Variants in SHANK2 observed in about 807,000 individuals in gnomAD.
SHANK2 encodes the protein SH3 and multiple ankyrin repeat domains protein 2.
Under a neutral mutation model 133.7 loss-of-function variants are expected in SHANK2, and 43 were observed. The ratio of observed to expected loss-of-function variants is 0.32; its 90% confidence interval spans 0.25 to 0.41. SHANK2 has a LOEUF of 0.41. SHANK2 is among the 10% of genes least tolerant of loss of function. The pLI, the probability that SHANK2 is intolerant of heterozygous loss-of-function variation, is 1.00. For synonymous variants in SHANK2, 1,017 were observed against 952.8 expected, an observed-to-expected ratio of 1.07 and a Z score of -1.24; for missense variants, 1,994 against 2,235.8, an observed-to-expected ratio of 0.89 and a Z score of 2.18.
intron 2 of SHANK2, among the ~76,000 whole-genome samples, chr11:71,156,417 C>T (rs1275123887): frequency 2.6e-5 from 4 of 152,196 alleles, no homozygotes; most frequent in East Asian, 1.9e-4. Context: ...TCTGAGTTTC[C>T]GCCCTCCACT....
intron 1 of SHANK2, among the ~76,000 whole-genome samples, chr11:71,248,670 T>A (rs1432378112): frequency 6.6e-6 from 1 of 152,148 alleles, no homozygotes; most frequent in Non-Finnish European, 1.5e-5. Context: ...CTCCTGACGT[T>A]ATTATTGTGA....
At chr11:70,765,922 C>T in intron 14 of SHANK2, among the ~76,000 whole-genome samples, 1 of 151,674 alleles carries the variant, frequency 6.6e-6, no homozygotes, top group Admixed American at 6.5e-5. Flanking sequence ...GGGTGAGCAC[C>T]TTGGAAACGG....
At chr11:70,729,025 C>T (rs1264031033) in intron 14 of SHANK2, among the ~76,000 whole-genome samples, 3 of 151,838 alleles carry the variant, frequency 2.0e-5, no homozygotes, top group African/African-American at 4.8e-5. Flanking sequence ...GCCAACATAG[C>T]AAAACCCTGT....
intron 12 of SHANK2, among the ~76,000 whole-genome samples, chr11:70,819,294 G>C (rs1049353029): frequency 3.9e-5 from 6 of 152,248 alleles, no homozygotes; most frequent in African/African-American, 1.4e-4. Flanking sequence ...GCTCCTCATA[G>C]AGGCGTCTGC....
At chr11:70,636,747 CATGTGTGT>C (rs576380351) in intron 17 of SHANK2, among the ~76,000 whole-genome samples, 63,004 of 121,256 alleles carry the variant, frequency 0.52, 13,499 homozygotes, top group Middle Eastern at 0.59. Context: ...TATGTGTGAG[CATGTGTGT>C]GAGCATGTGT....
intron 10 of SHANK2, among the ~76,000 whole-genome samples, chr11:70,916,849 T>C (rs1255215467): frequency 6.6e-6 from 1 of 152,200 alleles, no homozygotes. Context: ...GGTGTCTTAA[T>C]GTACAAATGT....
rs1399901335 is a variant in SHANK2, at chr11:71,088,634, C to T, written c.912+3788G>A. Among the ~76,000 whole-genome samples, 9 of 152,324 alleles carry T rather than the reference C, an allele frequency of 5.9e-5. No individual in the cohort carries two copies. The East Asian group carries it at 1.7e-3, about 29-fold the overall frequency. The stretch of plus-strand genomic sequence containing the variant: ...GTGGGTGTTCAGGGTTCCATGACTC[C>T]CGCCCCTCGCCCAGCCATGTTTGCT... On this transcript the variant is annotated intron_variant, in intron 8 of 25. Coordinates refer to ENST00000601538, the MANE Select transcript of SHANK2 (RefSeq NM_012309.5).
chr11:70,832,002 G>A (rs1175144790), intron 11 of SHANK2, among the ~76,000 whole-genome samples: 2 of 152,224 alleles, frequency 1.3e-5, no homozygotes, highest in South Asian at 2.1e-4. Context: ...GGAGCCACCC[G>A]AGCTCGTGTT....
At chr11:71,145,533 G>T (rs1414696187) in intron 3 of SHANK2, among the ~76,000 whole-genome samples, 1 of 152,244 alleles carries the variant, frequency 6.6e-6, no homozygotes, top group Non-Finnish European at 1.5e-5. Context: ...GAGCAGGGCT[G>T]GGGGTGGGCT....
rs1045125553 is a variant in SHANK2 at position 70,632,498 on chromosome 11, C to T, written c.2061+27330G>A. Among the ~76,000 whole-genome samples the T allele has an allele frequency of 1.8e-4, 28 of 152,240 alleles. 1 individual carries two copies. The highest frequency in any genetic ancestry group is 5.3e-4 in the African/African-American group (22 of 41,532). Reference sequence around the variant, plus strand: ...CTGGGAAACACTTCTGAGTCAGACCCACCTCTCTGGTTCAACCAGAGGCTC... The same window carrying T: ...CTGGGAAACACTTCTGAGTCAGACCTACCTCTCTGGTTCAACCAGAGGCTC... On this transcript the variant is annotated intron_variant, in intron 17 of 25. Transcript: ENST00000601538.
At chr11:70,708,422 G>A (rs1945711056) in intron 14 of SHANK2, among the ~76,000 whole-genome samples, 1 of 152,132 alleles carries the variant, frequency 6.6e-6, no homozygotes, top group African/African-American at 2.4e-5. Context: ...GATTCAAGAT[G>A]ACAACCAAGT....
intron 6 of SHANK2, among the ~76,000 whole-genome samples, chr11:71,096,665 G>A (rs763605550): frequency 6.6e-6 from 1 of 152,182 alleles, no homozygotes; most frequent in African/African-American, 2.4e-5. Context: ...ATCTTACAGC[G>A]ACTTAATGAG....
At chr11:71,200,839 C>A (rs1017577199) in intron 2 of SHANK2, among the ~76,000 whole-genome samples, 12 of 144,226 alleles carry the variant, frequency 8.3e-5, no homozygotes, top group Admixed American at 2.8e-4. Flanking sequence ...AATACACACA[C>A]ACACACACAC....
rs1477711087 is a variant in SHANK2 at position 70,496,897 on chromosome 11, C to T, written c.2308+3673G>A. On this transcript the variant is annotated intron_variant, in intron 21 of 25. Coordinates refer to ENST00000601538, the MANE Select transcript of SHANK2 (RefSeq NM_012309.5). ...GCACCCTACCCATCATCACAGTCGC[C>T]ACATCAGAGGGTGGGGCTGGTCATG... 3 of 453,232 alleles carry T rather than the reference C, an allele frequency of 6.6e-6. No homozygotes were observed. In the Admixed American group the frequency reaches 7.1e-5, roughly 11 times the overall value. The allele number at this position is 453,232 out of a possible 1,614,324, so 28.1% of individuals were successfully genotyped here. A position where few individuals can be genotyped will look rare whatever the true frequency, so the allele number is the denominator to read the frequency against.
rs147775069 is a variant in SHANK2 at position 70,602,103 on chromosome 11, T to C, written c.2061+57725A>G. On this transcript the variant is annotated intron_variant, in intron 17 of 25. Coordinates refer to ENST00000601538, the MANE Select transcript of SHANK2 (RefSeq NM_012309.5). ...TGAGTTCTCCGGAGCTCTGGTTAAG[T>C]GCGTGGCAGCTCCCCCTTGCTTGCT... is the stretch of plus-strand genomic sequence containing the variant. Among the ~76,000 whole-genome samples, 349 of 152,306 alleles carry C rather than the reference T, an allele frequency of 2.3e-3. 2 individuals carry two copies. Among genetic ancestry groups the C allele is most frequent in the African/African-American group, 8.1e-3 (337 of 41,562 alleles).
chr11:70,599,907 G>A (rs78126766), intron 17 of SHANK2, among the ~76,000 whole-genome samples: 2,580 of 12,196 alleles, frequency 0.21, 147 homozygotes, highest in South Asian at 0.29. Context: ...GAAAGAAAGA[G>A]AAAGAAAGAA....
chr11:70,881,441 A>G (rs1198415350), intron 11 of SHANK2, among the ~76,000 whole-genome samples: 1 of 151,938 alleles, frequency 6.6e-6, no homozygotes, highest in African/African-American at 2.4e-5. Context: ...GGGGTTGGTT[A>G]CAGTGTCTTA....
At chr11:70,853,226 C>T (rs1438572171) in intron 11 of SHANK2, among the ~76,000 whole-genome samples, 1 of 152,244 alleles carries the variant, frequency 6.6e-6, no homozygotes, top group African/African-American at 2.4e-5. Context: ...CAGAGCCAGA[C>T]TCTTTCTAGG....
Position 70,487,405 on chromosome 11 carries a change from G to A in SHANK2, c.2888C>T (p.Ser963Phe). 1 of 1,614,176 alleles carries A rather than the reference G, an allele frequency of 6.2e-7. No homozygotes were observed. Among genetic ancestry groups the A allele is most frequent in the South Asian group, 1.1e-5 (1 of 91,080 alleles). ...GGCATTCCGACTGTAGAGGTCTTCA[G>A]AGTCCAAGGAGTAGCGGTCCAGCTC... ...RRELDRYSLD[S>F]EDLYSRNAGP... is the part of the protein sequence containing the mutation. Residue 963 changes from serine to phenylalanine, a missense_variant, in exon 25 of 26, where the codon TCT (serine) becomes TTT (phenylalanine). Around this residue, in one of 5 missense-constraint regions of SHANK2, gnomAD observed 488 missense variants for 642.6 expected, o/e 0.76. Transcript: ENST00000601538. This position sits in a 1 kb window ranked among gnomAD's most constrained non-coding sequence, Gnocchi z 5.8.
Sources: gnomAD v4.1 joint callset for allele counts (sites outside exome capture counted in the v4.1 genomes callset) on GRCh38, gnomAD v4.1.1 for gene constraint, gnomAD v4.1.1 regional missense constraint, Gnocchi (gnomAD v3.1) non-coding constraint, MANE v1.5 for transcripts, NCBI Gene and HGNC (gene_info 2026-07-23, HGNC 2026-07-21) for gene names.